TTC39C: variants seen among roughly 807,000 people sequenced by gnomAD.
TTC39C encodes the protein tetratricopeptide repeat protein 39C.
In TTC39C, 33 loss-of-function variants were observed where a neutral mutation model predicts 76.3. The observed-to-expected ratio is 0.43, with a 90% CI of 0.33 to 0.58. The LOEUF is 0.58. Among genes scored for constraint, TTC39C ranks in the 20% least tolerant of loss-of-function variants. The pLI is 0.04. For missense variants in TTC39C, 595 were observed against 701.4 expected, an observed-to-expected ratio of 0.85 and a Z score of 1.71; for synonymous variants, 254 against 260.6, an observed-to-expected ratio of 0.97 and a Z score of 0.24.
At chr18:24,086,050 A>G (rs938485006) in intron 6 of TTC39C, among the ~76,000 whole-genome samples, 1 of 152,180 alleles carries the variant, frequency 6.6e-6, no homozygotes, top group Non-Finnish European at 1.5e-5. Flanking sequence ...GGCTGTTTGT[A>G]AGGCCTTGAA....
intron 1 of TTC39C, among the ~76,000 whole-genome samples, chr18:24,040,883 T>G (rs1353010373): frequency 1.3e-5 from 2 of 152,094 alleles, no homozygotes; most frequent in African/African-American, 4.8e-5. Context: ...ACTGTATTTT[T>G]GGGGGGGCTA....
At chr18:24,055,669 C>T (rs1224042375) in intron 1 of TTC39C, among the ~76,000 whole-genome samples, 2 of 152,098 alleles carry the variant, frequency 1.3e-5, no homozygotes, top group Non-Finnish European at 2.9e-5. Flanking sequence ...CAAATATTTT[C>T]TCCAGTTCCA....
At chr18:24,072,051 C>T (rs980355021) in intron 4 of TTC39C, among the ~76,000 whole-genome samples, 5 of 151,990 alleles carry the variant, frequency 3.3e-5, no homozygotes, top group African/African-American at 1.2e-4. Flanking sequence ...TTTGAGACAC[C>T]CAGTGGGTTA....
At chr18:24,087,939 C>T (rs1054070735) in intron 6 of TTC39C, among the ~76,000 whole-genome samples, 16 of 152,160 alleles carry the variant, frequency 1.1e-4, no homozygotes, top group Non-Finnish European at 2.1e-4. Context: ...AGGACTGGCC[C>T]TCAATGTATG....
At chr18:24,018,896 A>G (rs545164971) in intron 1 of TTC39C, among the ~76,000 whole-genome samples, 1 of 152,082 alleles carries the variant, frequency 6.6e-6, no homozygotes, top group Admixed American at 6.5e-5. Context: ...TCTTCCTACC[A>G]CTGGTCAGTC....
rs56233680 is a variant in TTC39C, at chr18:24,044,052, T to TTGTGTGTGTGTGTG, written c.168-20062_168-20049dup. 1.2e-3 allele frequency among the ~76,000 whole-genome samples: 177 copies of TTGTGTGTGTGTGTG among 147,948 alleles called. 1 individual carries two copies. Among genetic ancestry groups the TTGTGTGTGTGTGTG allele is most frequent in the African/African-American group, 3.9e-3 (157 of 40,054 alleles). On this transcript the variant is annotated intron_variant, in intron 1 of 13. Coordinates refer to ENST00000317571, the MANE Select transcript of TTC39C (RefSeq NM_001135993.2). ...TGGCTGAAAGAGCATTTGTGTATGT[T>TTGTGTGTGTGTGTG]TGTGTGTGTGTGTGTGTGTGTGTGT...
intron 6 of TTC39C, among the ~76,000 whole-genome samples, chr18:24,097,242 C>A (rs2084600796): frequency 6.6e-6 from 1 of 152,162 alleles, no homozygotes; most frequent in Admixed American, 6.5e-5. Context: ...AAGCAAAATG[C>A]CTTGAGCATC....
intron 6 of TTC39C, among the ~76,000 whole-genome samples, chr18:24,088,390 G>C (rs1218229609): frequency 2.6e-5 from 4 of 152,214 alleles, no homozygotes; most frequent in African/African-American, 9.6e-5. Flanking sequence ...TCATGTTGGT[G>C]TCTTCACCTC....
upstream of TTC39C, among the ~76,000 whole-genome samples, chr18:24,011,895 T>C (rs939896535): frequency 2.6e-5 from 4 of 152,200 alleles, no homozygotes; most frequent in Admixed American, 6.5e-5. Context: ...GAAGACTGCA[T>C]TAGTTTTGCA....
chr18:24,105,820 T>C (rs1014351883), intron 6 of TTC39C, among the ~76,000 whole-genome samples: 1 of 152,224 alleles, frequency 6.6e-6, no homozygotes, highest in African/African-American at 2.4e-5. Flanking sequence ...CAAAAATGTA[T>C]TGTCCCCCAG....
At chr18:24,069,303 A>G (rs2084207623) in intron 4 of TTC39C, 32 bp downstream of exon 4, 24 of 1,560,522 alleles carry the variant, frequency 1.5e-5, no homozygotes, top group Non-Finnish European at 2.0e-5. Flanking sequence ...AATGGTTTTC[A>G]GTATTCAGTG....
chr18:24,042,332 G>A (rs1018791338), intron 1 of TTC39C, among the ~76,000 whole-genome samples: 1 of 152,088 alleles, frequency 6.6e-6, no homozygotes, highest in Non-Finnish European at 1.5e-5. Flanking sequence ...GATGGTTTTG[G>A]GATGAAACTG....
chr18:24,089,308 T>C (rs2084487999), intron 6 of TTC39C, among the ~76,000 whole-genome samples: 1 of 152,170 alleles, frequency 6.6e-6, no homozygotes, highest in Non-Finnish European at 1.5e-5. Flanking sequence ...GTCAGCATGA[T>C]GTAATGTTTT....
At chr18:24,039,198 C>T (rs926662883) in intron 1 of TTC39C, among the ~76,000 whole-genome samples, 2 of 152,186 alleles carry the variant, frequency 1.3e-5, no homozygotes, top group Non-Finnish European at 2.9e-5. Context: ...TTTCCAAGGA[C>T]ACTTCACTTA....
Position 24,083,043 on chromosome 18 carries a change from C to A in TTC39C, c.946C>A (p.Leu316Ile). The part of the protein sequence containing the change: ...KKEAAYPNSS[L>I]FMFFKGRIQR... The stretch of plus-strand genomic sequence containing the variant: ...AGAAGCTGCTTATCCAAATTCTTCC[C>A]TCTTTATGTTTTTCAAGGGACGGAT... Residue 316 changes from leucine to isoleucine, a missense_variant, in exon 6 of 14, where the codon CTC (leucine) becomes ATC (isoleucine). Coordinates refer to ENST00000317571, the MANE Select transcript of TTC39C (RefSeq NM_001135993.2). 1 of 1,614,036 alleles carries A rather than the reference C, an allele frequency of 6.2e-7. No homozygotes were observed. The highest frequency in any genetic ancestry group is 8.5e-7 in the Non-Finnish European group (1 of 1,179,954).
chr18:24,045,909 A>G (rs370418955), intron 1 of TTC39C, among the ~76,000 whole-genome samples: 39 of 38,086 alleles, frequency 1.0e-3, no homozygotes, highest in East Asian at 3.4e-3. Context: ...ATATATATAT[A>G]TATATATATA....
At chr18:24,043,839 A>G (rs2083827634) in intron 1 of TTC39C, among the ~76,000 whole-genome samples, 1 of 152,256 alleles carries the variant, frequency 6.6e-6, no homozygotes, top group Non-Finnish European at 1.5e-5. Flanking sequence ...TATTAAGCTC[A>G]TTCACAGCAG....
At chr18:24,072,186 G>C (rs1599297432) in intron 4 of TTC39C, among the ~76,000 whole-genome samples, 1 of 151,724 alleles carries the variant, frequency 6.6e-6, no homozygotes, top group African/African-American at 2.4e-5. Context: ...GTTTGTTATG[G>C]GTGGCCCTCC....
At chr18:24,082,446 A>G (rs1283625179) in intron 5 of TTC39C, among the ~76,000 whole-genome samples, 1 of 152,074 alleles carries the variant, frequency 6.6e-6, no homozygotes, top group African/African-American at 2.4e-5. Context: ...TTAAACTTAG[A>G]TTCTAGGTTT....
Sources: allele counts gnomAD v4.1 joint callset (sites outside exome capture counted in the v4.1 genomes callset), GRCh38; gene constraint gnomAD v4.1.1; transcripts MANE v1.5; gene names NCBI Gene and HGNC (gene_info 2026-07-23, HGNC 2026-07-21).